SGCG: variants seen among roughly 807,000 people sequenced by gnomAD.
SGCG encodes sarcoglycan gamma.
A neutral mutation model predicts 29.3 loss-of-function variants in SGCG; 26 were observed. The ratio of observed to expected loss-of-function variants is 0.89; its 90% CI spans 0.65 to 1.23. SGCG has a LOEUF of 1.23. SGCG is among the 50% of genes most tolerant of loss of function. The pLI is 0.00. For missense variants in SGCG, 353 were observed against 356.0 expected, an observed-to-expected ratio of 0.99 and a Z score of 0.07; for synonymous variants, 145 against 129.7, an observed-to-expected ratio of 1.12 and a Z score of -0.80.
intron 5 of SGCG, among the ~76,000 whole-genome samples, chr13:23,281,340 A>G (rs1402392255): frequency 2.0e-5 from 1 of 49,506 alleles, no homozygotes; most frequent in Non-Finnish European, 5.4e-5. Flanking sequence ...ACCGTGTCTC[A>G]GTAATAATAA....
chr13:23,264,890 G>A (rs1880579395), intron 4 of SGCG, among the ~76,000 whole-genome samples: 2 of 152,130 alleles, frequency 1.3e-5, no homozygotes, highest in South Asian at 4.1e-4. Flanking sequence ...GTAGAAGAAT[G>A]AAACTGGATT....
intron 1 of SGCG, among the ~76,000 whole-genome samples, chr13:23,195,678 A>ATGTG (rs60141728): frequency 9.9e-5 from 15 of 151,242 alleles, no homozygotes; most frequent in East Asian, 7.8e-4. Context: ...TTTAATCTAG[A>ATGTG]TGTGTGTGTG....
intron 1 of SGCG, among the ~76,000 whole-genome samples, chr13:23,184,429 T>A (rs1391646726): frequency 6.6e-6 from 1 of 152,150 alleles, no homozygotes; most frequent in South Asian, 2.1e-4. Context: ...ATTTTAGGCT[T>A]AGTATAAAAA....
At chr13:23,215,931 T>C (rs1878408879) in intron 2 of SGCG, among the ~76,000 whole-genome samples, 1 of 90,880 alleles carries the variant, frequency 1.1e-5, no homozygotes, top group South Asian at 2.6e-4. Flanking sequence ...CTTACAAGAC[T>C]ATGTGCACAA....
chr13:23,300,809 TAAAAAA>T (rs58050317), intron 6 of SGCG, among the ~76,000 whole-genome samples: 143 of 122,456 alleles, frequency 1.2e-3, no homozygotes, highest in Middle Eastern at 4.4e-3. Context: ...ACTAGTTTAC[TAAAAAA>T]AAAAAAAAAA....
chr13:23,323,023 G>A (rs145952726), intron 7 of SGCG, among the ~76,000 whole-genome samples: 44 of 152,202 alleles, frequency 2.9e-4, no homozygotes, highest in African/African-American at 9.9e-4. Flanking sequence ...CTACATTACT[G>A]TGATATTAAT....
intron 2 of SGCG, among the ~76,000 whole-genome samples, chr13:23,222,083 A>AG (rs1489086541): frequency 3.7e-4 from 56 of 152,300 alleles, no homozygotes; most frequent in African/African-American, 1.3e-3. Context: ...GCCTCCTTGT[A>AG]GTTTTGGCCT....
intron 6 of SGCG, among the ~76,000 whole-genome samples, chr13:23,295,923 C>T (rs1881889039): frequency 6.6e-6 from 1 of 152,200 alleles, no homozygotes; most frequent in African/African-American, 2.4e-5. Context: ...TGAGTGACTG[C>T]CATATCCTCG....
chr13:23,265,109 C>T (rs1880586444), intron 4 of SGCG, among the ~76,000 whole-genome samples: 1 of 152,024 alleles, frequency 6.6e-6, no homozygotes, highest in Non-Finnish European at 1.5e-5. Flanking sequence ...AAAATAAATA[C>T]TCATCAGAGT....
intron 2 of SGCG, among the ~76,000 whole-genome samples, chr13:23,213,871 G>C (rs1878327832): frequency 6.6e-6 from 1 of 152,158 alleles, no homozygotes; most frequent in South Asian, 2.1e-4. Context: ...CAGCCTAGGG[G>C]TGGTTTTGCT....
At chr13:23,303,799 G>T (rs1882264577) in intron 6 of SGCG, among the ~76,000 whole-genome samples, 3 of 152,174 alleles carry the variant, frequency 2.0e-5, no homozygotes, top group African/African-American at 7.2e-5. Flanking sequence ...TGCACATATT[G>T]TTTACTCAGA....
intron 3 of SGCG, among the ~76,000 whole-genome samples, chr13:23,241,776 C>A (rs551433830): frequency 2.3e-4 from 35 of 152,224 alleles, no homozygotes; most frequent in African/African-American, 8.2e-4. Flanking sequence ...CAGGATGAGT[C>A]AACATATGCA....
chr13:23,277,658 CA>C (rs1011069764), intron 4 of SGCG, among the ~76,000 whole-genome samples: 6 of 145,970 alleles, frequency 4.1e-5, no homozygotes, highest in Non-Finnish European at 7.5e-5. Flanking sequence ...GGGACACACA[CA>C]AAAAAAATTA....
intron 2 of SGCG, among the ~76,000 whole-genome samples, chr13:23,219,905 G>T (rs144183859): frequency 0.068 from 9,580 of 140,338 alleles, 415 homozygotes; most frequent in Middle Eastern, 0.17. Flanking sequence ...GCGCCATCTC[G>T]GCTCACTGCA....
chr13:23,212,192 C>G (rs1013462048), intron 2 of SGCG, among the ~76,000 whole-genome samples: 1 of 152,128 alleles, frequency 6.6e-6, no homozygotes, highest in African/African-American at 2.4e-5. Context: ...GAACCATGAG[C>G]CAGTTAAACC....
chr13:23,198,453 A>C (rs952606856), intron 1 of SGCG, among the ~76,000 whole-genome samples: 4 of 152,238 alleles, frequency 2.6e-5, no homozygotes, highest in Admixed American at 2.6e-4. Context: ...ATGAAAGCAG[A>C]TATTTACACC....
chr13:23,286,844 C>T (rs961429685), intron 5 of SGCG, among the ~76,000 whole-genome samples: 2 of 152,148 alleles, frequency 1.3e-5, no homozygotes, highest in African/African-American at 4.8e-5. Flanking sequence ...GTGAATGATA[C>T]AGGATTGTGT....
chr13:23,281,835 A>T (rs1408511775), intron 5 of SGCG, among the ~76,000 whole-genome samples: 1 of 152,090 alleles, frequency 6.6e-6, no homozygotes, highest in Non-Finnish European at 1.5e-5. Context: ...CCCACTGCTC[A>T]CCTCCTGCTG....
At position 23,317,941 on chromosome 13, in the gene SGCG, AC is replaced by A. The variant is rs1342720029; in HGVS notation, c.579-2693del. ...TTAGTGGGCTGGGGAAGGCAGACCC[AC>A]CCTTAATTGGGTGGGCACCATCTAA... On this transcript the variant is annotated intron_variant, in intron 6 of 7. Coordinates refer to ENST00000218867, the MANE Select transcript of SGCG (RefSeq NM_000231.3). Among the ~76,000 whole-genome samples, 6 of 152,114 alleles carry A rather than the reference AC, an allele frequency of 3.9e-5. 1 individual carries two copies. The highest frequency in any genetic ancestry group is 7.2e-5 in the African/African-American group (3 of 41,400).
Sources: gnomAD v4.1 joint callset for allele counts (sites outside exome capture counted in the v4.1 genomes callset) on GRCh38, gnomAD v4.1.1 for gene constraint, MANE v1.5 for transcripts, NCBI Gene and HGNC (gene_info 2026-07-23, HGNC 2026-07-21) for gene names.